Variants in TEX14 observed in about 807,000 individuals in gnomAD.
TEX14 encodes inactive serine/threonine-protein kinase TEX14.
TEX14 carries 168 observed loss-of-function variants against 178.6 expected under a neutral mutation model. The observed-to-expected ratio is 0.94, with a 90% CI of 0.83 to 1.07. The LOEUF (loss-of-function observed/expected upper bound fraction) is 1.07. Among genes scored for constraint, TEX14 ranks in the 50% least tolerant of loss-of-function variants. The probability of loss-of-function intolerance (pLI) is 0.00; values close to 1 mark genes in which losing one functional copy is unlikely to be tolerated. For synonymous variants in TEX14, 626 were observed against 634.1 expected (o/e 0.99, Z 0.19); for missense variants, 1,730 against 1,753.6 (o/e 0.99, Z 0.24).
chr17:58,571,819 T>C, intron 24 of TEX14, 102 bp downstream of exon 24: 2 of 1,029,644 alleles, frequency 1.9e-6, no homozygotes, highest in African/African-American at 3.2e-5. Context: ...ACCCAGCTTA[T>C]TTCTTGCTTT....
In TEX14 at chr17:58,600,555, G is replaced by A. The variant is rs57640547; in HGVS notation, c.1679-889C>T. Among the ~76,000 whole-genome samples, 923 of 136,584 alleles carry A rather than the reference G, an allele frequency of 6.8e-3. 11 individuals carry two copies. The highest frequency in any genetic ancestry group is 0.025 in the African/African-American group (893 of 35,240). The allele number at this position is 136,584 out of a possible 152,430, so 89.6% of individuals were successfully genotyped here. On this transcript the variant is annotated intron_variant, in intron 13 of 31. Transcript: ENST00000349033. ...CAGTCTGGGCAAAAAGAGTGAAACT[G>A]TCTCAAAAAAAAAAAAAAAGTAGCC...
intron 5 of TEX14, among the ~76,000 whole-genome samples, chr17:58,620,364 C>T (rs941371021): frequency 6.6e-6 from 1 of 152,164 alleles, no homozygotes; most frequent in Non-Finnish European, 1.5e-5. Flanking sequence ...GGATCTCGCT[C>T]TGTCACCCAG....
rs563868497 is a variant in TEX14 at position 58,596,357 on chromosome 17, C to A, written c.2469+2519G>T. On this transcript the variant is annotated intron_variant, in intron 14 of 31. Coordinates refer to ENST00000349033, the MANE Select transcript of TEX14 (RefSeq NM_031272.5). The stretch of plus-strand genomic sequence containing the variant: ...AGTGCTGTCACATGATTTCAGCTCA[C>A]TGTAATCTCAACTTCCTGAGCTCAG... Among the ~76,000 whole-genome samples, 61 of 152,126 alleles carry A rather than the reference C, an allele frequency of 4.0e-4. 1 individual carries two copies. The highest frequency in any genetic ancestry group is 1.6e-4 in the Non-Finnish European group (11 of 68,030).
At chr17:58,620,886 A>G (rs1236324653) in intron 5 of TEX14, among the ~76,000 whole-genome samples, 1 of 152,184 alleles carries the variant, frequency 6.6e-6, no homozygotes, top group Non-Finnish European at 1.5e-5. Context: ...AGTTAACGGA[A>G]TCATGAACTC....
In TEX14 at chr17:58,593,695, A is replaced by C. The variant is rs778910671; in HGVS notation, c.2470-34T>G. 11 of 1,537,010 alleles carry C rather than the reference A, an allele frequency of 7.2e-6. No individual in the cohort carries two copies. The South Asian group carries it at 1.2e-4, about 17-fold the overall frequency. On this transcript the variant is annotated intron_variant, in intron 14 of 31. Coordinates refer to ENST00000349033, the MANE Select transcript of TEX14 (RefSeq NM_031272.5). ...GCAATAAACATGTTTCAGGGCTTTG[A>C]TGAGAGAATTCCCACTCTCTTCACT... is the stretch of plus-strand genomic sequence containing the variant.
chr17:58,612,591 T>C (rs1256715609), intron 9 of TEX14, among the ~76,000 whole-genome samples: 1 of 150,728 alleles, frequency 6.6e-6, no homozygotes, highest in Non-Finnish European at 1.5e-5. Flanking sequence ...AAAAATTGGC[T>C]GGGTGTGGTG....
At chr17:58,610,217 T>C (rs1322680388) in intron 10 of TEX14, among the ~76,000 whole-genome samples, 1 of 152,242 alleles carries the variant, frequency 6.6e-6, no homozygotes, top group Non-Finnish European at 1.5e-5. Context: ...ATGCCCTCCA[T>C]ATCTATCCAG....
chr17:58,638,063 T>A (rs1202718716), intron 2 of TEX14, among the ~76,000 whole-genome samples: 1 of 152,098 alleles, frequency 6.6e-6, no homozygotes, highest in African/African-American at 2.4e-5. Context: ...GGTTTCACTA[T>A]GTTGGTCAGG....
intron 30 of TEX14, 55 bp from the exon 31 acceptor site, chr17:58,557,905 G>T: frequency 7.0e-7 from 1 of 1,423,210 alleles, no homozygotes; most frequent in South Asian, 1.2e-5. Context: ...CTAGGTCAAA[G>T]GGTGCCAGTA....
intron 10 of TEX14, among the ~76,000 whole-genome samples, chr17:58,608,961 T>C (rs2045680695): frequency 6.6e-6 from 1 of 152,186 alleles, no homozygotes; most frequent in Admixed American, 6.5e-5. Flanking sequence ...GGACTTAATC[T>C]TGCAGGCAAT....
chr17:58,587,957 T>G lies in TEX14; in HGVS notation c.2641A>C (p.Thr881Pro). The stretch of plus-strand genomic sequence containing the variant: ...GGTCCCTGCCGGTGGCTTGACAGAG[T>G]GAAGAGTGCACTATTAAACTGTGTG... The part of the protein sequence containing the change: ...KATQFNSALF[T>P]LSSHRQGPSA... Residue 881 changes from threonine to proline, a missense_variant, in exon 16 of 32, where the codon ACT (threonine) becomes CCT (proline). Physicochemically the swap from Thr to Pro is conservative, Grantham distance 38. Transcript: ENST00000349033. 6.2e-7 allele frequency: 1 copy of G among 1,609,998 alleles called. No individual in the cohort carries two copies.
intron 11 of TEX14, among the ~76,000 whole-genome samples, chr17:58,603,829 G>A (rs1160432007): frequency 6.6e-6 from 1 of 150,934 alleles, no homozygotes; most frequent in Non-Finnish European, 1.5e-5. Flanking sequence ...ACTTCAGCCT[G>A]GGCAACAGAG....
rs201578472 is a variant in TEX14, at chr17:58,652,227, T to TA, written c.-1-226dup. 8.3e-3 allele frequency among the ~76,000 whole-genome samples: 1,263 copies of TA among 152,228 alleles called. 8 individuals carry two copies. Among genetic ancestry groups the TA allele is most frequent in the Non-Finnish European group, 0.014 (920 of 68,012 alleles). On this transcript the variant is annotated intron_variant, in intron 1 of 31. Transcript: ENST00000349033. ...ATATAGAATGGTGAGAAGAGACAAG[T>TA]AAAAAATATATATATTTGAATATAT...
At chr17:58,648,344 C>T (rs567433827) in intron 2 of TEX14, among the ~76,000 whole-genome samples, 27 of 152,328 alleles carry the variant, frequency 1.8e-4, no homozygotes, top group South Asian at 1.0e-3. Flanking sequence ...CTACCTGCAG[C>T]CTCTCTGGTT....
intron 21 of TEX14, among the ~76,000 whole-genome samples, chr17:58,577,089 A>T (rs999947272): frequency 2.0e-5 from 3 of 152,202 alleles, no homozygotes; most frequent in African/African-American, 7.2e-5. Flanking sequence ...ATTCTCAGTA[A>T]GGATTCTTAT....
rs2144310155 is a variant in TEX14 at position 58,556,836 on chromosome 17, T to C, written c.*175A>G. On this transcript the variant is annotated 3_prime_UTR_variant, in exon 32 of 32. Transcript: ENST00000349033. ...ATCTGACTGAAAACAAATGGTTGAA[T>C]GTGCTGCTAACAGAGAGGGCCAAAC... The C allele has an allele frequency of 1.9e-6, 1 of 537,350 alleles. No homozygotes were observed. The highest frequency in any genetic ancestry group is 3.3e-5 in the Admixed American group (1 of 30,592). 33.3% of individuals were successfully genotyped at this position (537,350 alleles called of 1,614,324 possible).
intron 5 of TEX14, among the ~76,000 whole-genome samples, chr17:58,620,921 T>A (rs1320209427): frequency 6.6e-6 from 1 of 151,962 alleles, no homozygotes; most frequent in African/African-American, 2.4e-5. Flanking sequence ...GCCAGCAGCA[T>A]CCAATCATCA....
chr17:58,607,316 C>G (rs76312221), intron 10 of TEX14, among the ~76,000 whole-genome samples: 3,909 of 152,216 alleles, frequency 0.026, 72 homozygotes, highest in Non-Finnish European at 0.042. Flanking sequence ...ATTCACAGAC[C>G]CTTGGTTACC....
intron 11 of TEX14, among the ~76,000 whole-genome samples, chr17:58,603,151 G>A (rs1344179882): frequency 6.6e-6 from 1 of 152,048 alleles, no homozygotes; most frequent in Non-Finnish European, 1.5e-5. Flanking sequence ...ACAGAGATAG[G>A]AAACAATAGT....
Sources: allele counts gnomAD v4.1 joint callset (sites outside exome capture counted in the v4.1 genomes callset), GRCh38; gene constraint gnomAD v4.1.1; transcripts MANE v1.5; gene names NCBI Gene and HGNC (gene_info 2026-07-23, HGNC 2026-07-21).